SLC22A3: variants seen among roughly 807,000 people sequenced by gnomAD.
SLC22A3 encodes the protein solute carrier family 22 member 3.
In SLC22A3, 51 loss-of-function variants were observed where a neutral mutation model predicts 59.1. The observed-to-expected ratio is 0.86, with a 90% CI of 0.69 to 1.09. SLC22A3 has a LOEUF of 1.09. Ranked by LOEUF, SLC22A3 falls within the 50% of genes least tolerant of loss-of-function variation. SLC22A3 has a pLI of 0.00. For missense variants in SLC22A3, 711 were observed against 726.3 expected (o/e 0.98, Z 0.24); for synonymous variants, 325 against 292.0 (o/e 1.11, Z -1.15).
intron 1 of SLC22A3, among the ~76,000 whole-genome samples, chr6:160,360,000 T>C (rs1158907906): frequency 6.6e-6 from 1 of 152,246 alleles, no homozygotes; most frequent in Non-Finnish European, 1.5e-5. Flanking sequence ...ACATATTTCA[T>C]ATACTTTTCA....
In SLC22A3 at chr6:160,390,938, C is replaced by T. The variant is rs1305331918; in HGVS notation, c.430-7041C>T. 2.6e-5 allele frequency among the ~76,000 whole-genome samples: 4 copies of T among 152,294 alleles called. No homozygotes were observed. In the South Asian group the frequency reaches 6.2e-4, roughly 24 times the overall value. ...CTGTTCCATGCCCCTCTCCTGGCTC[C>T]AGCACTGCTGCCAGTCCTTGGCACT... On this transcript the variant is annotated intron_variant, in intron 1 of 10. Coordinates refer to ENST00000275300, the MANE Select transcript of SLC22A3 (RefSeq NM_021977.4).
chr6:160,373,705 C>G (rs1040919168), intron 1 of SLC22A3, among the ~76,000 whole-genome samples: 4 of 152,110 alleles, frequency 2.6e-5, no homozygotes, highest in African/African-American at 9.7e-5. Flanking sequence ...GAGGCCCTGC[C>G]CAGAGAGGAG....
intron 8 of SLC22A3, 22 bp from the exon 9 acceptor site, chr6:160,443,607 TA>T: frequency 6.6e-7 from 1 of 1,512,236 alleles, no homozygotes; most frequent in Non-Finnish European, 9.2e-7. Context: ...AGTTTTCACT[TA>T]AAATTACTTT....
At position 160,408,829 on chromosome 6, in the gene SLC22A3, A is replaced by G; in HGVS notation, c.765A>G (p.Ile255Met). ...AAATGTTCTTTACCCTTGGAATCAT[A>G]ATTCTCCCTGGAATTGCCTACTTCA... is the stretch of plus-strand genomic sequence containing the variant. The part of the protein sequence containing the change: ...VIQMFFTLGI[I>M]ILPGIAYFIP... The change falls in exon 4 of 11, where the codon ATA becomes ATG. Residue 255 changes from isoleucine (I) to methionine (M), a missense_variant. Ile to Met is a conservative substitution (Grantham distance 10). Coordinates refer to ENST00000275300, the MANE Select transcript of SLC22A3 (RefSeq NM_021977.4). The G allele has an allele frequency of 2.5e-6, 4 of 1,613,732 alleles. No homozygotes were observed. The highest frequency in any genetic ancestry group is 3.4e-6 in the Non-Finnish European group (4 of 1,179,822).
chr6:160,439,359 T>C (rs1788461884), intron 7 of SLC22A3, among the ~76,000 whole-genome samples: 1 of 152,228 alleles, frequency 6.6e-6, no homozygotes, highest in African/African-American at 2.4e-5. Flanking sequence ...ATATTCATTG[T>C]ATATGAAATT....
chr6:160,396,579 A>G (rs1296662623), intron 1 of SLC22A3, among the ~76,000 whole-genome samples: 2 of 152,196 alleles, frequency 1.3e-5, no homozygotes, highest in Non-Finnish European at 2.9e-5. Flanking sequence ...AAAATGAAAA[A>G]CAGAAATAGA....
chr6:160,438,541 C>A (rs1788431309), intron 7 of SLC22A3, among the ~76,000 whole-genome samples: 2 of 151,816 alleles, frequency 1.3e-5, no homozygotes, highest in South Asian at 4.2e-4. Flanking sequence ...ACGAGGTAGG[C>A]CCTATTTGAA....
intron 5 of SLC22A3, among the ~76,000 whole-genome samples, chr6:160,435,640 G>A (rs572669999): frequency 1.3e-5 from 2 of 152,276 alleles, no homozygotes; most frequent in East Asian, 1.9e-4. Context: ...TCAAATTCCT[G>A]TGATTACTGG....
intron 5 of SLC22A3, among the ~76,000 whole-genome samples, chr6:160,421,791 G>A (rs1787751270): frequency 6.6e-6 from 1 of 152,168 alleles, no homozygotes. Flanking sequence ...TCAAGCGTCT[G>A]CTGGGGAAGG....
intron 10 of SLC22A3, among the ~76,000 whole-genome samples, chr6:160,448,351 G>C (rs1788823168): frequency 6.6e-6 from 1 of 152,174 alleles, no homozygotes; most frequent in Non-Finnish European, 1.5e-5. Context: ...ATAATAGGTA[G>C]ATGATAGATA....
chr6:160,438,672 C>A (rs868295868), intron 7 of SLC22A3, among the ~76,000 whole-genome samples: 3 of 152,022 alleles, frequency 2.0e-5, no homozygotes, highest in African/African-American at 7.2e-5. Flanking sequence ...TGAACAGCAA[C>A]CACCTATTTA....
chr6:160,402,057 A>G (rs969541049), intron 2 of SLC22A3, among the ~76,000 whole-genome samples: 1 of 151,986 alleles, frequency 6.6e-6, no homozygotes, highest in Non-Finnish European at 1.5e-5. Context: ...TAAATGTAAG[A>G]TGGTCTAAAT....
chr6:160,436,858 C>A lies in SLC22A3; in HGVS notation c.1054C>A (p.Leu352Ile). 6.2e-7 allele frequency: 1 copy of A among 1,613,768 alleles called. No homozygotes were observed. The highest frequency in any genetic ancestry group is 8.5e-7 in the Non-Finnish European group (1 of 1,179,792). ...VRTPQMRKCT[L>I]ILMFAWFTSA... ...AACTCCCCAAATGAGGAAATGCACA[C>A]TTATTCTTATGTTTGCTTGGTAAGT... Residue 352 changes from leucine to isoleucine, a missense_variant, in exon 6 of 11, where the codon CTT (leucine) becomes ATT (isoleucine). Coordinates refer to ENST00000275300, the MANE Select transcript of SLC22A3 (RefSeq NM_021977.4).
intron 1 of SLC22A3, among the ~76,000 whole-genome samples, chr6:160,390,061 G>A (rs1006004089): frequency 1.8e-4 from 28 of 152,278 alleles, no homozygotes; most frequent in African/African-American, 6.7e-4. Context: ...AACTTACTTA[G>A]AACTAATTAA....
intron 1 of SLC22A3, among the ~76,000 whole-genome samples, chr6:160,393,241 A>G (rs1397984093): frequency 6.6e-6 from 1 of 151,846 alleles, no homozygotes; most frequent in Admixed American, 6.6e-5. Context: ...TGAGGAGCAA[A>G]TGAGGCCCCT....
chr6:160,426,716 C>T (rs1158586296), intron 5 of SLC22A3, among the ~76,000 whole-genome samples: 3 of 152,196 alleles, frequency 2.0e-5, no homozygotes, highest in African/African-American at 7.2e-5. Context: ...TCTCTGGTCT[C>T]CATCTTCCTA....
intron 3 of SLC22A3, 90 bp from the exon 4 acceptor site, chr6:160,408,663 G>A: frequency 7.9e-7 from 1 of 1,268,132 alleles, no homozygotes; most frequent in South Asian, 1.3e-5. Flanking sequence ...AATGCTGATG[G>A]ATGTAACAGG....
At chr6:160,443,539 C>T in intron 8 of SLC22A3, 91 bp from the exon 9 acceptor site, 1 of 854,806 alleles carries the variant, frequency 1.2e-6, no homozygotes, top group Non-Finnish European at 1.9e-6. Flanking sequence ...CTTCACACTT[C>T]CTTTGGTTTT....
Position 160,415,272 on chromosome 6 carries a change from T to C in SLC22A3, c.975+4426T>C, listed in dbSNP as rs891302839. Among the ~76,000 whole-genome samples the C allele has an allele frequency of 2.0e-5, 3 of 152,134 alleles. No homozygotes were observed. Among genetic ancestry groups the C allele is most frequent in the African/African-American group, 7.2e-5 (3 of 41,434 alleles). The stretch of plus-strand genomic sequence containing the variant: ...GGTCCTTATGTCCCCACAAGCACCA[T>C]CCTGAGCAGAAAACCTCTTCGTGAT... On this transcript the variant is annotated intron_variant, in intron 5 of 10. Transcript: ENST00000275300. The surrounding 1 kb of genome is among the most constrained non-coding windows in gnomAD (Gnocchi z 4.1).
Sources: allele counts gnomAD v4.1 joint callset (sites outside exome capture counted in the v4.1 genomes callset), GRCh38; gene constraint gnomAD v4.1.1; non-coding constraint Gnocchi (gnomAD v3.1); transcripts MANE v1.5; gene names NCBI Gene and HGNC (gene_info 2026-07-23, HGNC 2026-07-21).